The following CLIC6 variants were observed in gnomAD, a reference collection of about 807,000 sequenced individuals.
The protein encoded by CLIC6 is chloride intracellular channel protein 6.
Under a neutral mutation model 49.2 loss-of-function variants are expected in CLIC6, and 39 were observed. That is an observed-to-expected ratio of 0.79 (90% CI 0.61 to 1.04). The LOEUF (loss-of-function observed/expected upper bound fraction) is 1.04. Among genes scored for constraint, CLIC6 ranks in the 50% least tolerant of loss-of-function variants. The probability of loss-of-function intolerance (pLI) is 0.00; values close to 1 mark genes in which losing one functional copy is unlikely to be tolerated. For missense variants in CLIC6, 988 were observed against 993.1 expected, an observed-to-expected ratio of 0.99 and a Z score of 0.07; for synonymous variants, 446 against 433.4, an observed-to-expected ratio of 1.03 and a Z score of -0.36.
At chr21:34,676,238 A>G (rs1989668650) in intron 1 of CLIC6, among the ~76,000 whole-genome samples, 1 of 152,042 alleles carries the variant, frequency 6.6e-6, no homozygotes, top group South Asian at 2.1e-4. Flanking sequence ...ACACCTAGAT[A>G]AAACCTAGAA....
At chr21:34,670,892 C>A (rs112975403) in intron 1 of CLIC6, 130 bp downstream of exon 1, 8 of 1,074,048 alleles carry the variant, frequency 7.4e-6, no homozygotes, top group Non-Finnish European at 1.0e-5. Flanking sequence ...CGCTTCCATG[C>A]GCGGGCGGTA....
Position 34,670,045 on chromosome 21 carries a change from C to G in CLIC6, c.657C>G (p.Ser219Arg). Residue 219 changes from serine (S) to arginine (R), a missense_variant, in exon 1 of 6, where the codon AGC becomes AGG. By Grantham distance (110) the Ser-to-Arg change is moderately radical. Coordinates refer to ENST00000349499, the MANE Select transcript of CLIC6 (RefSeq NM_053277.3). ...AAGCCGAGGGCCCGGCGGGGGACAG[C>G]GTAGACGCGGAGGGCCGGGTGGGGG... ...NIQAEGPAGDSVDAEGRVGDS... is the reference protein window; with the variant it reads ...NIQAEGPAGDRVDAEGRVGDS... The G allele has an allele frequency of 7.5e-7, 1 of 1,329,598 alleles. No individual in the cohort carries two copies. Among genetic ancestry groups the G allele is most frequent in the East Asian group, 3.2e-5 (1 of 31,242 alleles). 82.4% of individuals were successfully genotyped at this position (1,329,598 alleles called of 1,614,324 possible). A position where few individuals can be genotyped will look rare whatever the true frequency, so the allele number is the denominator to read the frequency against.
intron 1 of CLIC6, among the ~76,000 whole-genome samples, chr21:34,673,092 A>G (rs903639095): frequency 4.6e-5 from 7 of 152,310 alleles, no homozygotes; most frequent in African/African-American, 1.4e-4. Flanking sequence ...GTGAAAAGTA[A>G]AAACAACTTG....
intron 5 of CLIC6, among the ~76,000 whole-genome samples, chr21:34,713,303 T>C (rs370711289): frequency 6.6e-6 from 1 of 152,232 alleles, no homozygotes; most frequent in African/African-American, 2.4e-5. Flanking sequence ...TATGGGCTTT[T>C]TGAGAAAAAT....
intron 1 of CLIC6, among the ~76,000 whole-genome samples, chr21:34,681,942 C>T (rs1044371721): frequency 2.0e-5 from 3 of 152,196 alleles, no homozygotes; most frequent in Non-Finnish European, 2.9e-5. Context: ...CATTGGTTTA[C>T]ATCTTGCTTT....
Position 34,702,165 on chromosome 21 carries a change from C to G in CLIC6, c.1375-5115C>G, listed in dbSNP as rs562824628. Among the ~76,000 whole-genome samples, 314 of 152,202 alleles carry G rather than the reference C, an allele frequency of 2.1e-3. 2 individuals are homozygous for G. Among genetic ancestry groups the G allele is most frequent in the African/African-American group, 7.2e-3 (300 of 41,514 alleles). On this transcript the variant is annotated intron_variant, in intron 1 of 5. Transcript: ENST00000349499. Reference sequence around the variant, plus strand: ...TGTGCTCTAGGAACACCCTGATGACCGAAGATGGGGGGCTGTTGACTCCGG... The same window carrying G: ...TGTGCTCTAGGAACACCCTGATGACGGAAGATGGGGGGCTGTTGACTCCGG...
chr21:34,690,989 C>G (rs1312078202), intron 1 of CLIC6, among the ~76,000 whole-genome samples: 1 of 152,066 alleles, frequency 6.6e-6, no homozygotes, highest in Non-Finnish European at 1.5e-5. Flanking sequence ...TCTTGGGCCA[C>G]GGCCTTCCTC....
At chr21:34,715,797 C>T (rs754602428) in intron 5 of CLIC6, among the ~76,000 whole-genome samples, 17 of 152,228 alleles carry the variant, frequency 1.1e-4, no homozygotes, top group Admixed American at 8.5e-4. Flanking sequence ...ATCTCTCCTC[C>T]GCACAGGCGG....
intron 1 of CLIC6, among the ~76,000 whole-genome samples, chr21:34,673,047 C>T (rs993975416): frequency 2.6e-5 from 4 of 152,122 alleles, no homozygotes; most frequent in African/African-American, 4.8e-5. Flanking sequence ...CCTCTAGGTA[C>T]GTAATTACCT....
chr21:34,672,260 T>C (rs937073288), intron 1 of CLIC6, among the ~76,000 whole-genome samples: 43 of 152,196 alleles, frequency 2.8e-4, no homozygotes, highest in Admixed American at 2.8e-3. Flanking sequence ...AAATCCCCAC[T>C]CCTTAGGCAG....
intron 4 of CLIC6, 46 bp from the exon 5 acceptor site, chr21:34,709,311 T>C (rs760870660): frequency 1.9e-6 from 3 of 1,545,834 alleles, no homozygotes; most frequent in Non-Finnish European, 2.7e-6. Flanking sequence ...AAAAGTGACA[T>C]GCACTTGCAA....
rs1159088417 is a variant in CLIC6, at chr21:34,669,205, C to A, written c.-184C>A. ...AGGGGCGCAGAGGCTTGGGGCCAAG[C>A]GGAGTTTGCCCTGCGGGTCCTGCGC... is the stretch of plus-strand genomic sequence containing the variant. On this transcript the variant is annotated 5_prime_UTR_variant, in exon 1 of 6. Coordinates refer to ENST00000349499, the MANE Select transcript of CLIC6 (RefSeq NM_053277.3). 6.6e-6 allele frequency among the ~76,000 whole-genome samples: 1 copy of A among 152,124 alleles called. No individual in the cohort carries two copies.
At chr21:34,708,153 G>C in intron 3 of CLIC6, 84 bp downstream of exon 3, 1 of 1,515,984 alleles carries the variant, frequency 6.6e-7, no homozygotes, top group African/African-American at 1.4e-5. Context: ...GGCAGTGTGT[G>C]TGTGTGTGGT....
rs780870930 is a variant in CLIC6 at position 34,670,655 on chromosome 21, G to A, written c.1267G>A (p.Ala423Thr). 1 of 1,563,872 alleles carries A rather than the reference G, an allele frequency of 6.4e-7. No homozygotes were observed. The change falls in exon 1 of 6, where the codon GCC (alanine) becomes ACC (threonine). Residue 423 changes from alanine to threonine, a missense_variant. Coordinates refer to ENST00000349499, the MANE Select transcript of CLIC6 (RefSeq NM_053277.3). ...LSNHLAEEGP[A>T]EGSGEAARVN... ...CAACCACCTGGCCGAGGAGGGCCCC[G>A]CCGAGGGTAGCGGCGAGGCCGCGCG...
At chr21:34,696,608 C>T (rs148701630) in intron 1 of CLIC6, among the ~76,000 whole-genome samples, 154 of 152,320 alleles carry the variant, frequency 1.0e-3, no homozygotes, top group Non-Finnish European at 2.0e-3. Context: ...AGTAGTAGTA[C>T]CTACACCTGA....
chr21:34,705,732 C>G (rs1296787575), intron 1 of CLIC6, among the ~76,000 whole-genome samples: 1 of 152,170 alleles, frequency 6.6e-6, no homozygotes, highest in Non-Finnish European at 1.5e-5. Context: ...TATTTATCAC[C>G]TGGAAAGTGA....
In CLIC6 at chr21:34,670,590, A is replaced by G. The variant is rs1269476443; in HGVS notation, c.1202A>G (p.Glu401Gly). Residue 401 changes from glutamate (E) to glycine (G), a missense_variant, in exon 1 of 6, where the codon GAG becomes GGG. Glu to Gly is a moderately conservative substitution (Grantham distance 98, BLOSUM62 -2). Transcript: ENST00000349499. Reference protein sequence around the residue: ...EESPDSSPHGEASRGAAEPEA... With the variant: ...EESPDSSPHGGASRGAAEPEA... ...TCCCCCGACAGCAGCCCACATGGGG[A>G]GGCCTCCAGGGGCGCCGCGGAGCCT... 8.5e-6 allele frequency: 13 copies of G among 1,528,896 alleles called. No individual in the cohort carries two copies. Among genetic ancestry groups the G allele is most frequent in the Non-Finnish European group, 1.1e-5 (12 of 1,138,502 alleles). The allele number at this position is 1,528,896 out of a possible 1,614,324, so 94.7% of individuals were successfully genotyped here. A position where few individuals can be genotyped will look rare whatever the true frequency, so the allele number is the denominator to read the frequency against.
intron 5 of CLIC6, among the ~76,000 whole-genome samples, chr21:34,715,209 A>G (rs2056079375): frequency 6.6e-6 from 1 of 152,212 alleles, no homozygotes; most frequent in Non-Finnish European, 1.5e-5. Flanking sequence ...TCTCCACTTC[A>G]GGTTGAATTG....
intron 2 of CLIC6, 104 bp from the exon 3 acceptor site, chr21:34,707,838 TTC>T: frequency 8.3e-7 from 1 of 1,200,242 alleles, no homozygotes; most frequent in Non-Finnish European, 1.2e-6. Flanking sequence ...TACTTTGCAG[TTC>T]TCAAGAGTTG....
Sources: allele counts gnomAD v4.1 joint callset (sites outside exome capture counted in the v4.1 genomes callset), GRCh38; gene constraint gnomAD v4.1.1; transcripts MANE v1.5; gene names NCBI Gene and HGNC (gene_info 2026-07-23, HGNC 2026-07-21).